The following VCAM1 variants were observed in gnomAD, a reference collection of about 807,000 sequenced individuals.
VCAM1 encodes the protein vascular cell adhesion protein 1.
Under a neutral mutation model 63.8 loss-of-function variants are expected in VCAM1, and 41 were observed. The observed-to-expected ratio is 0.64, with a 90% CI of 0.50 to 0.83. The LOEUF (loss-of-function observed/expected upper bound fraction) is 0.83, where lower values mean the gene tolerates loss of function less well. Ranked by LOEUF, VCAM1 falls within the 40% of genes least tolerant of loss-of-function variation. The probability of loss-of-function intolerance (pLI) is 0.00; values close to 1 mark genes in which losing one functional copy is unlikely to be tolerated. For synonymous variants in VCAM1, 338 were observed against 320.7 expected (o/e 1.05, Z -0.58); for missense variants, 798 against 875.5 (o/e 0.91, Z 1.12).
At chr1:100,728,352 A>T (rs1660254536) in intron 4 of VCAM1, among the ~76,000 whole-genome samples, 1 of 152,064 alleles carries the variant, frequency 6.6e-6, no homozygotes, top group South Asian at 2.1e-4. Flanking sequence ...CAGTGGTATA[A>T]CTGTATTATT....
chr1:100,731,057 C>A lies in VCAM1; in HGVS notation c.1205-141C>A. The A allele has an allele frequency of 1.5e-6, 1 of 674,704 alleles. No individual in the cohort carries two copies. Among genetic ancestry groups the A allele is most frequent in the Non-Finnish European group, 2.4e-6 (1 of 420,378 alleles). The allele number at this position is 674,704 out of a possible 1,614,324, so 41.8% of individuals were successfully genotyped here. ...ATCATAAATATGTCATTTATAAATACTGTCATTACTTATATATTGACAGTC... is the reference window on the plus strand; with the variant it reads ...ATCATAAATATGTCATTTATAAATAATGTCATTACTTATATATTGACAGTC... On this transcript the variant is annotated intron_variant, in intron 5 of 8. Coordinates refer to ENST00000294728, the MANE Select transcript of VCAM1 (RefSeq NM_001078.4). The surrounding 1 kb of genome is among the most constrained non-coding windows in gnomAD (Gnocchi z 4.2).
At chr1:100,720,837 A>G in intron 2 of VCAM1, 86 bp downstream of exon 2, 2 of 1,439,176 alleles carry the variant, frequency 1.4e-6, no homozygotes, top group Non-Finnish European at 1.9e-6. Flanking sequence ...AAAGTTTTAA[A>G]ATGGATATTC....
rs3917039 is a variant in VCAM1 at position 100,727,126 on chromosome 1, G to C, written c.929-1981G>C. ...GTACCTAACACATAATAAATGTTCA[G>C]TAAATATTTGCTGAATTAATGAATA... is the stretch of plus-strand genomic sequence containing the variant. On this transcript the variant is annotated intron_variant, in intron 4 of 8. Transcript: ENST00000294728. Among the ~76,000 whole-genome samples, 1,405 of 151,284 alleles carry C rather than the reference G, an allele frequency of 9.3e-3. 19 individuals are homozygous for C. Among genetic ancestry groups the C allele is most frequent in the African/African-American group, 0.033 (1,363 of 41,250 alleles).
intron 2 of VCAM1, among the ~76,000 whole-genome samples, chr1:100,722,807 G>T (rs1399860640): frequency 1.3e-5 from 2 of 151,862 alleles, no homozygotes; most frequent in African/African-American, 4.8e-5. Flanking sequence ...AATATATACA[G>T]GATCAGAATT....
intron 4 of VCAM1, 28 bp from the exon 5 acceptor site, chr1:100,729,079 T>G: frequency 6.7e-7 from 1 of 1,488,540 alleles, no homozygotes; most frequent in Non-Finnish European, 8.9e-7. Context: ...TTATGTTCTT[T>G]TCATCTTGTT....
rs1320341304 is a variant in VCAM1 at position 100,734,707 on chromosome 1, T to C, written c.1998T>C (p.Tyr666=). The C allele has an allele frequency of 6.2e-7, 1 of 1,613,986 alleles. No homozygotes were observed. ...RKAQLKDAGV[Y]ECESKNKVGS... is the part of the protein sequence containing the mutation. The stretch of plus-strand genomic sequence containing the variant: ...CCCAGTTGAAGGATGCGGGAGTATA[T>C]GAATGTGAATCTAAAAACAAAGTTG... Residue 666 remains tyrosine (Y), a synonymous_variant, in exon 8 of 9, where the codon TAT becomes TAC. Coordinates refer to ENST00000294728, the MANE Select transcript of VCAM1 (RefSeq NM_001078.4).
At chr1:100,726,760 G>A (rs572408570) in intron 4 of VCAM1, among the ~76,000 whole-genome samples, 1 of 152,116 alleles carries the variant, frequency 6.6e-6, no homozygotes, top group Admixed American at 6.6e-5. Context: ...CTGCCCTAGG[G>A]GAGCATACAA....
At chr1:100,734,273 A>G (rs570210318) in intron 7 of VCAM1, among the ~76,000 whole-genome samples, 1 of 152,264 alleles carries the variant, frequency 6.6e-6, no homozygotes, top group South Asian at 2.1e-4. Context: ...TGGGTAAATA[A>G]TTATATTAAG....
intron 2 of VCAM1, 124 bp from the exon 3 acceptor site, chr1:100,722,896 G>C: frequency 9.1e-7 from 1 of 1,103,184 alleles, no homozygotes; most frequent in Non-Finnish European, 1.3e-6. Context: ...TATTCAAACA[G>C]TTCTGTCGTA....
Position 100,723,124 on chromosome 1 carries a change from G to C in VCAM1, c.445G>C (p.Glu149Gln). The C allele has an allele frequency of 5.6e-6, 9 of 1,613,072 alleles. No individual in the cohort carries two copies. The highest frequency in any genetic ancestry group is 7.6e-6 in the Non-Finnish European group (9 of 1,179,434). ...VADVYPFDRL[E>Q]IDLLKGDHLM... The stretch of plus-strand genomic sequence containing the variant: ...TGATGTATACCCATTTGACAGGCTG[G>C]AGATAGACTTACTGAAAGGAGATCA... The change falls in exon 3 of 9, where the codon GAG becomes CAG. Residue 149 changes from glutamate to glutamine, a missense_variant. Coordinates refer to ENST00000294728, the MANE Select transcript of VCAM1 (RefSeq NM_001078.4).
At chr1:100,723,746 T>A (rs112324521) in intron 3 of VCAM1, among the ~76,000 whole-genome samples, 22 of 152,196 alleles carry the variant, frequency 1.4e-4, no homozygotes, top group South Asian at 1.0e-3. Flanking sequence ...AGGTGATCAC[T>A]TATTCTGTGT....
chr1:100,731,613 T>G lies in VCAM1; in HGVS notation c.1525+95T>G. ...ACATAAGGTTAATCGTTAAAACCTC[T>G]GTGGAGAAAAAACGTTACTGAAAAG... On this transcript the variant is annotated intron_variant, in intron 6 of 8. Transcript: ENST00000294728. This position sits in a 1 kb window ranked among gnomAD's most constrained non-coding sequence, Gnocchi z 4.2. 1 of 1,210,822 alleles carries G rather than the reference T, an allele frequency of 8.3e-7. No individual in the cohort carries two copies. The highest frequency in any genetic ancestry group is 1.1e-6 in the Non-Finnish European group (1 of 877,408). The allele number at this position is 1,210,822 out of a possible 1,614,324, so 75.0% of individuals were successfully genotyped here.
intron 5 of VCAM1, 38 bp downstream of exon 5, chr1:100,729,420 T>C (rs774831174): frequency 3.3e-6 from 5 of 1,507,520 alleles, no homozygotes; most frequent in African/African-American, 2.8e-5. Context: ...TTTTTTTTTT[T>C]CAGTTCTATT....
At chr1:100,723,734 C>G in intron 3 of VCAM1, among the ~76,000 whole-genome samples, 1 of 152,018 alleles carries the variant, frequency 6.6e-6, no homozygotes, top group South Asian at 2.1e-4. Flanking sequence ...AGAAACTTGA[C>G]AAGGTGATCA....
intron 4 of VCAM1, among the ~76,000 whole-genome samples, chr1:100,727,803 T>C (rs1660228093): frequency 6.6e-6 from 1 of 152,066 alleles, no homozygotes; most frequent in Non-Finnish European, 1.5e-5. Context: ...GTGAATGAGC[T>C]CTCTTTCAAA....
In VCAM1 at chr1:100,729,103, C is replaced by T. The variant is rs747969025; in HGVS notation, c.929-4C>T. On this transcript the variant is annotated splice_region_variant and splice_polypyrimidine_tract_variant and intron_variant, in intron 4 of 8. Coordinates refer to ENST00000294728, the MANE Select transcript of VCAM1 (RefSeq NM_001078.4). ...TTTCATCTTGTTTTCCACCTGTGTC[C>T]CAGAGAAACCATTTACTGTTGAGAT... is the stretch of plus-strand genomic sequence containing the variant. The T allele has an allele frequency of 2.0e-6, 3 of 1,514,396 alleles. No individual in the cohort carries two copies. The highest frequency in any genetic ancestry group is 2.3e-5 in the East Asian group (1 of 43,000). 93.8% of individuals were successfully genotyped at this position (1,514,396 alleles called of 1,614,324 possible).
rs1369244546 is a variant in VCAM1 at position 100,731,457 on chromosome 1, T to A, written c.1464T>A (p.His488Gln). The part of the protein sequence containing the change: ...GKALVCQAKL[H>Q]IDDMEFEPKQ... ...CTCTTGTTTGTCAGGCTAAGTTACA[T>A]ATTGATGACATGGAATTCGAACCCA... Residue 488 changes from histidine to glutamine, a missense_variant, in exon 6 of 9, where the codon CAT (histidine) becomes CAA (glutamine). Transcript: ENST00000294728. This position sits in a 1 kb window ranked among gnomAD's most constrained non-coding sequence, Gnocchi z 4.2. 1 of 1,613,750 alleles carries A rather than the reference T, an allele frequency of 6.2e-7. No homozygotes were observed. Among genetic ancestry groups the A allele is most frequent in the African/African-American group, 1.3e-5 (1 of 75,026 alleles).
At chr1:100,726,806 G>A (rs3917038) in intron 4 of VCAM1, among the ~76,000 whole-genome samples, 9 of 151,936 alleles carry the variant, frequency 5.9e-5, no homozygotes, top group East Asian at 1.9e-4. Context: ...AATAGGTAAC[G>A]CAAATATTCC....
chr1:100,723,297 T>A lies in VCAM1; in HGVS notation c.618T>A (p.Ser206=), dbSNP rs757322980. Residue 206 remains serine, a synonymous_variant, in exon 3 of 9, where the codon TCT becomes TCA. Transcript: ENST00000294728. ...RAKLHIDEMD[S]VPTVRQAVKE... ...AATTACACATTGATGAAATGGATTC[T>A]GTGCCCACAGTAAGGCAGGCTGTAA... 9.9e-6 allele frequency: 16 copies of A among 1,613,078 alleles called. No individual in the cohort carries two copies. The highest frequency in any genetic ancestry group is 1.4e-5 in the Non-Finnish European group (16 of 1,179,328).
Sources: gnomAD v4.1 joint callset for allele counts (sites outside exome capture counted in the v4.1 genomes callset) on GRCh38, gnomAD v4.1.1 for gene constraint, Gnocchi (gnomAD v3.1) non-coding constraint, MANE v1.5 for transcripts, NCBI Gene and HGNC (gene_info 2026-07-23, HGNC 2026-07-21) for gene names.